Variants in CERT1 observed in about 807,000 individuals in gnomAD.
CERT1 encodes ceramide transfer protein.
In CERT1, 31 loss-of-function variants were observed where a neutral mutation model predicts 87.9. The observed-to-expected ratio is 0.35, with a 90% CI of 0.27 to 0.48. CERT1 has a LOEUF of 0.48. Among genes scored for constraint, CERT1 ranks in the 20% least tolerant of loss-of-function variants. The probability of loss-of-function intolerance (pLI) is 0.99; values close to 1 mark genes in which losing one functional copy is unlikely to be tolerated. For missense variants in CERT1, 487 were observed against 758.0 expected, an observed-to-expected ratio of 0.64 and a Z score of 4.20; for synonymous variants, 289 against 250.9, an observed-to-expected ratio of 1.15 and a Z score of -1.44.
At chr5:75,485,224 T>C (rs1437807452) in intron 2 of CERT1, among the ~76,000 whole-genome samples, 1 of 149,026 alleles carries the variant, frequency 6.7e-6, no homozygotes, top group Non-Finnish European at 1.5e-5. Context: ...TCCTAACATT[T>C]TGGGAGACCA....
At chr5:75,497,782 A>G (rs1409986016) in intron 2 of CERT1, among the ~76,000 whole-genome samples, 3 of 152,174 alleles carry the variant, frequency 2.0e-5, no homozygotes. Context: ...TAGGAGCATG[A>G]GAACAGACTA....
Position 75,506,080 on chromosome 5 carries a change from C to T in CERT1, c.133G>A (p.Val45Ile). ...NYIHGWQDRWVVLKNNALSYY... is the reference protein window; with the variant it reads ...NYIHGWQDRWIVLKNNALSYY... ...CTCAGAGCATTATTTTTCAAAACTA[C>T]CCAACGATCCTGCCACCCATGAATG... The change falls in exon 2 of 17, where the codon GTA becomes ATA. Residue 45 changes from valine to isoleucine, a missense_variant. Around this residue, in one of 8 missense-constraint regions of CERT1, gnomAD observed 173 missense variants for 302.2 expected, o/e 0.57. Transcript: ENST00000643780. The T allele has an allele frequency of 6.2e-7, 1 of 1,612,958 alleles. No individual in the cohort carries two copies. Among genetic ancestry groups the T allele is most frequent in the Non-Finnish European group, 8.5e-7 (1 of 1,179,194 alleles).
intron 2 of CERT1, among the ~76,000 whole-genome samples, chr5:75,483,678 G>T (rs181186942): frequency 6.6e-6 from 1 of 151,924 alleles, no homozygotes; most frequent in South Asian, 2.1e-4. Context: ...AAACATTATA[G>T]AACATGAAAT....
At chr5:75,484,490 T>TC (rs78521580) in intron 2 of CERT1, among the ~76,000 whole-genome samples, 18,493 of 145,990 alleles carry the variant, frequency 0.13, 1,265 homozygotes, top group South Asian at 0.23. Flanking sequence ...GACCCAATGA[T>TC]CTGTTGCCTA....
downstream of CERT1, chr5:75,375,602 TA>T (rs1459034091): frequency 7.3e-6 from 1 of 137,566 alleles, no homozygotes; most frequent in Non-Finnish European, 1.5e-5. Flanking sequence ...AATAAATAAA[TA>T]AATAAATAAA....
chr5:75,422,364 C>T (rs1439217818), intron 5 of CERT1, among the ~76,000 whole-genome samples: 3 of 152,128 alleles, frequency 2.0e-5, no homozygotes, highest in Admixed American at 1.3e-4. Context: ...GCCTGTAATC[C>T]CAGCACTTTG....
chr5:75,481,983 G>A (rs922954042), intron 2 of CERT1, among the ~76,000 whole-genome samples: 12 of 152,120 alleles, frequency 7.9e-5, no homozygotes, highest in Admixed American at 2.6e-4. Context: ...CAATGTTACC[G>A]GAATGTTACA....
At chr5:75,369,233 T>A (rs1761001144) in intron 17 of CERT1, 1 of 152,156 alleles carries the variant, frequency 6.6e-6, no homozygotes, top group Non-Finnish European at 1.5e-5. Flanking sequence ...TACTTTTGAC[T>A]TACGGTATTT....
intron 1 of CERT1, among the ~76,000 whole-genome samples, chr5:75,509,058 G>A (rs1767791235): frequency 6.6e-6 from 1 of 151,910 alleles, no homozygotes; most frequent in South Asian, 2.1e-4. Context: ...TAAGAAATAT[G>A]CTTCATAGGT....
rs950732236 is a variant in CERT1 at position 75,379,456 on chromosome 5, C to T, written c.1765G>A (p.Ala589Thr). Residue 589 changes from alanine to threonine, a missense_variant, in exon 17 of 17, where the codon GCA becomes ACA. Physicochemically the swap from Ala to Thr is moderately conservative, Grantham distance 58 (BLOSUM62 0). Around this residue, in one of 8 missense-constraint regions of CERT1, gnomAD observed 33 missense variants for 64.4 expected, o/e 0.51. Coordinates refer to ENST00000643780, the MANE Select transcript of CERT1 (RefSeq NM_001379029.1). The part of the protein sequence containing the change: ...YVANVNPGGW[A>T]PASVLRAVAK... ...ACTGCCCTTAACACTGAGGCTGGTG[C>T]CCATCCTCCAGGGTTCACTGCAAGA... 2 of 1,613,302 alleles carry T rather than the reference C, an allele frequency of 1.2e-6. No individual in the cohort carries two copies. The highest frequency in any genetic ancestry group is 1.3e-5 in the African/African-American group (1 of 74,882).
At chr5:75,502,883 G>C (rs778455379) in intron 2 of CERT1, among the ~76,000 whole-genome samples, 140 of 152,128 alleles carry the variant, frequency 9.2e-4, no homozygotes, top group Middle Eastern at 3.4e-3. Context: ...AGCAGGGGCT[G>C]GGTCTTCTAA....
chr5:75,416,172 C>G (rs534748752), intron 7 of CERT1, among the ~76,000 whole-genome samples: 3 of 152,192 alleles, frequency 2.0e-5, no homozygotes, highest in Admixed American at 2.0e-4. Context: ...GCCTCTAACT[C>G]TATTACTTTT....
intron 2 of CERT1, among the ~76,000 whole-genome samples, chr5:75,473,312 C>G (rs1765800941): frequency 6.6e-6 from 1 of 152,090 alleles, no homozygotes; most frequent in Admixed American, 6.6e-5. Context: ...TCTTGAAGTC[C>G]TGGCTTCAAG....
chr5:75,429,830 T>C (rs1268268015), intron 3 of CERT1, among the ~76,000 whole-genome samples: 1 of 94,482 alleles, frequency 1.1e-5, no homozygotes, highest in Non-Finnish European at 2.2e-5. Flanking sequence ...TTCATCCAAA[T>C]ATAAGAAAAA....
chr5:75,429,792 G>A (rs1561256801), intron 3 of CERT1, among the ~76,000 whole-genome samples: 1 of 150,160 alleles, frequency 6.7e-6, no homozygotes, highest in Non-Finnish European at 1.5e-5. Context: ...AGTGTTAAGT[G>A]CTGAAAAGCT....
At chr5:75,414,352 A>G (rs1303301415) in intron 7 of CERT1, among the ~76,000 whole-genome samples, 2 of 152,232 alleles carry the variant, frequency 1.3e-5, no homozygotes, top group African/African-American at 2.4e-5. Context: ...ACGTTAAAAA[A>G]AATCAGGTAG....
chr5:75,443,427 T>G (rs949765820), intron 3 of CERT1, among the ~76,000 whole-genome samples: 1 of 152,212 alleles, frequency 6.6e-6, no homozygotes, highest in African/African-American at 2.4e-5. Context: ...CTAATTTCCC[T>G]TGTAATTTTT....
At chr5:75,381,786 A>G (rs777903395) in intron 15 of CERT1, among the ~76,000 whole-genome samples, 163 bp downstream of exon 15, 1 of 152,210 alleles carries the variant, frequency 6.6e-6, no homozygotes, top group Non-Finnish European at 1.5e-5. Context: ...TTGCCCTCAG[A>G]CAACACATGG....
intron 2 of CERT1, among the ~76,000 whole-genome samples, chr5:75,487,180 A>G (rs1248524141): frequency 6.6e-6 from 1 of 152,052 alleles, no homozygotes; most frequent in Non-Finnish European, 1.5e-5. Flanking sequence ...AAATCCACAC[A>G]CCTACAGTGA....
Sources: allele counts gnomAD v4.1 joint callset (sites outside exome capture counted in the v4.1 genomes callset), GRCh38; gene constraint gnomAD v4.1.1; regional missense constraint gnomAD v4.1.1; transcripts MANE v1.5; gene names NCBI Gene and HGNC (gene_info 2026-07-23, HGNC 2026-07-21).